The following CNTN3 variants were observed in gnomAD, a reference collection of about 807,000 sequenced individuals.
CNTN3 encodes the protein contactin 3, also known as contactin-3.
CNTN3 carries 60 observed loss-of-function variants against 119.1 expected under a neutral mutation model. The observed-to-expected ratio is 0.50, with a 90% CI of 0.41 to 0.62. CNTN3 has a LOEUF of 0.62. CNTN3 is among the 20% of genes least tolerant of loss of function. CNTN3 has a pLI of 0.00. For synonymous variants in CNTN3, 450 were observed against 438.7 expected (o/e 1.03, Z -0.32); for missense variants, 1,101 against 1,242.4 (o/e 0.89, Z 1.71).
At chr3:74,471,437 T>C (rs569470210) in intron 4 of CNTN3, among the ~76,000 whole-genome samples, 1 of 152,330 alleles carries the variant, frequency 6.6e-6, no homozygotes, top group South Asian at 2.1e-4. Flanking sequence ...ATTTCTTCCT[T>C]AAAAATCATG....
chr3:74,327,711 G>A lies in CNTN3; in HGVS notation c.1668+7024C>T, dbSNP rs1703165585. On this transcript the variant is annotated intron_variant, in intron 13 of 22. Coordinates refer to ENST00000263665, the MANE Select transcript of CNTN3 (RefSeq NM_020872.3). ...CCCTAAAATCCTTATTATTGGTGGA[G>A]GTGGAAAATTGATTTGCAAGTTTTC... Among the ~76,000 whole-genome samples, 6 of 152,100 alleles carry A rather than the reference G, an allele frequency of 3.9e-5. No individual in the cohort carries two copies. The South Asian group carries it at 1.2e-3, about 32-fold the overall frequency.
intron 4 of CNTN3, among the ~76,000 whole-genome samples, chr3:74,476,772 A>G (rs1168753127): frequency 6.6e-6 from 1 of 152,158 alleles, no homozygotes; most frequent in Non-Finnish European, 1.5e-5. Context: ...TCGACATGGA[A>G]AATATATTCA....
intron 1 of CNTN3, among the ~76,000 whole-genome samples, chr3:74,584,071 T>C (rs748244491): frequency 5.9e-5 from 9 of 152,216 alleles, no homozygotes; most frequent in Non-Finnish European, 1.0e-4. Context: ...TCACAATATA[T>C]TGATAATAGT....
chr3:74,582,909 C>A (rs944643720), intron 1 of CNTN3, among the ~76,000 whole-genome samples: 3 of 151,860 alleles, frequency 2.0e-5, no homozygotes, highest in African/African-American at 4.8e-5. Context: ...CTTATATAAT[C>A]CATATTTACA....
chr3:74,521,115 T>C lies in CNTN3; in HGVS notation c.-3A>G. The C allele has an allele frequency of 6.3e-7, 1 of 1,593,238 alleles. No individual in the cohort carries two copies. Among genetic ancestry groups the C allele is most frequent in the South Asian group, 1.1e-5 (1 of 89,150 alleles). On this transcript the variant is annotated 5_prime_UTR_variant, in exon 2 of 23. Transcript: ENST00000263665. ...AACTGTTTCCATGGAAACATCATCTTTAATTGCCAAATGCAAGAGTAACTC... is the reference window on the plus strand; with the variant it reads ...AACTGTTTCCATGGAAACATCATCTCTAATTGCCAAATGCAAGAGTAACTC...
In CNTN3 at chr3:74,483,428, T is replaced by C. The variant is rs145130981; in HGVS notation, c.358+3028A>G. On this transcript the variant is annotated intron_variant, in intron 4 of 22. Coordinates refer to ENST00000263665, the MANE Select transcript of CNTN3 (RefSeq NM_020872.3). ...AATCTTCCACGTGCTCTGGGCTCTC[T>C]TGCAAGTTTTTGCTGGGTGTGCCAA... Among the ~76,000 whole-genome samples, 53 of 152,236 alleles carry C rather than the reference T, an allele frequency of 3.5e-4. 1 individual carries two copies. In the East Asian group the frequency reaches 9.3e-3, roughly 27 times the overall value.
intron 4 of CNTN3, among the ~76,000 whole-genome samples, chr3:74,472,475 G>A (rs1702583183): frequency 6.6e-6 from 1 of 152,072 alleles, no homozygotes; most frequent in African/African-American, 2.4e-5. Context: ...GTGAGACCAT[G>A]GATATCCTAA....
chr3:74,450,251 T>A (rs879090448), intron 4 of CNTN3, among the ~76,000 whole-genome samples: 7 of 152,138 alleles, frequency 4.6e-5, no homozygotes, highest in Admixed American at 3.3e-4. Flanking sequence ...AAACAAATTT[T>A]TTTAATCTTG....
At chr3:74,452,879 G>T (rs1292783619) in intron 4 of CNTN3, among the ~76,000 whole-genome samples, 1 of 151,744 alleles carries the variant, frequency 6.6e-6, no homozygotes, top group Non-Finnish European at 1.5e-5. Flanking sequence ...CTTGATCATG[G>T]TGGATAAGCT....
intron 20 of CNTN3, among the ~76,000 whole-genome samples, chr3:74,269,500 A>G (rs1701727331): frequency 6.6e-6 from 1 of 152,166 alleles, no homozygotes; most frequent in African/African-American, 2.4e-5. Context: ...GTGCTTTAAT[A>G]TAATTTACTT....
At chr3:74,450,621 C>A (rs2106947217) in intron 4 of CNTN3, among the ~76,000 whole-genome samples, 1 of 150,612 alleles carries the variant, frequency 6.6e-6, no homozygotes, top group East Asian at 2.0e-4. Flanking sequence ...ACTAACTCGT[C>A]ATCTAGCATT....
intron 1 of CNTN3, among the ~76,000 whole-genome samples, chr3:74,582,783 T>TTGTGTGTGTGTGTGTG (rs60306845): frequency 9.8e-4 from 142 of 145,090 alleles, no homozygotes; most frequent in African/African-American, 2.1e-3. Flanking sequence ...GTGTATGCAT[T>TTGTGTGTGTGTGTGTG]TGTGTGTGTG....
intron 11 of CNTN3, among the ~76,000 whole-genome samples, chr3:74,343,605 G>A (rs1022328596): frequency 2.6e-5 from 4 of 152,170 alleles, no homozygotes; most frequent in Admixed American, 2.0e-4. Context: ...TCATTCTTTG[G>A]CAACTAACAT....
intron 2 of CNTN3, among the ~76,000 whole-genome samples, chr3:74,520,712 G>A (rs79792068): frequency 0.047 from 7,140 of 151,246 alleles, 178 homozygotes; most frequent in South Asian, 0.066. Flanking sequence ...ATGCTCCTTT[G>A]TATGTGAGAT....
At chr3:74,489,445 TC>T in intron 3 of CNTN3, among the ~76,000 whole-genome samples, 2 of 75,478 alleles carry the variant, frequency 2.6e-5, no homozygotes, top group Non-Finnish European at 9.0e-5. Context: ...TTTTCTTCCT[TC>T]CCTTCCTCCC....
chr3:74,577,462 C>G (rs1704436511), intron 1 of CNTN3, among the ~76,000 whole-genome samples: 1 of 152,038 alleles, frequency 6.6e-6, no homozygotes, highest in Non-Finnish European at 1.5e-5. Context: ...GTGTATGTTA[C>G]TGAAATGACC....
chr3:74,490,124 G>C (rs1387956215), intron 3 of CNTN3, among the ~76,000 whole-genome samples: 1 of 152,170 alleles, frequency 6.6e-6, no homozygotes, highest in Non-Finnish European at 1.5e-5. Context: ...TCAGCAAAAA[G>C]TGGGATGAGA....
chr3:74,495,137 C>T (rs1703037175), intron 3 of CNTN3, among the ~76,000 whole-genome samples: 1 of 151,962 alleles, frequency 6.6e-6, no homozygotes, highest in Non-Finnish European at 1.5e-5. Context: ...AGCTCACCAG[C>T]TGGAGAAGCC....
At chr3:74,483,541 T>A (rs534650363) in intron 4 of CNTN3, among the ~76,000 whole-genome samples, 96 of 152,148 alleles carry the variant, frequency 6.3e-4, no homozygotes, top group Non-Finnish European at 1.2e-3. Flanking sequence ...TAAGGTAATG[T>A]CTCCCTCTGG....
Sources: allele counts gnomAD v4.1 joint callset (sites outside exome capture counted in the v4.1 genomes callset), GRCh38; gene constraint gnomAD v4.1.1; transcripts MANE v1.5; gene names NCBI Gene and HGNC (gene_info 2026-07-23, HGNC 2026-07-21).